The following LASP1 variants were observed in gnomAD, a reference collection of about 807,000 sequenced individuals.
The protein encoded by LASP1 is LIM and SH3 protein 1.
In LASP1, 10 loss-of-function variants were observed where a neutral mutation model predicts 38.6. The ratio of observed to expected loss-of-function variants is 0.26; its 90% CI spans 0.16 to 0.44. The LOEUF (loss-of-function observed/expected upper bound fraction) is 0.44. LASP1 is among the 20% of genes least tolerant of loss of function. The pLI is 1.00. For missense variants in LASP1, 243 were observed against 375.7 expected (o/e 0.65, Z 2.92); for synonymous variants, 132 against 140.8 (o/e 0.94, Z 0.44).
rs1221165092 is a variant in LASP1, at chr17:38,892,955, GTGTA to G, written c.249+2455_249+2458del. ...ACTGAGGGCCAGAGCGTGTCCGTGT[GTGTA>G]TGTGTGTGTGTGTGCGTGTGCACGC... On this transcript the variant is annotated intron_variant, in intron 3 of 6. Coordinates refer to ENST00000318008, the MANE Select transcript of LASP1 (RefSeq NM_006148.4). Among the ~76,000 whole-genome samples the G allele has an allele frequency of 3.3e-5, 5 of 152,184 alleles. No homozygotes were observed. In the East Asian group the frequency reaches 9.7e-4, roughly 29 times the overall value.
At chr17:38,900,359 A>G (rs1466762565) in intron 4 of LASP1, among the ~76,000 whole-genome samples, 2 of 145,162 alleles carry the variant, frequency 1.4e-5, no homozygotes, top group Non-Finnish European at 3.0e-5. Context: ...CAGCCTGGGA[A>G]ACCGAGTGAG....
rs531186597 is a variant in LASP1, at chr17:38,894,626, A to G, written c.250-3786A>G. ...TCTCCCGGAAAGGAGAGGAAATGGA[A>G]CTTGGACATGAAGAAGCTGGGAAAT... On this transcript the variant is annotated intron_variant, in intron 3 of 6. Transcript: ENST00000318008. Among the ~76,000 whole-genome samples, 5 of 152,292 alleles carry G rather than the reference A, an allele frequency of 3.3e-5. No individual in the cohort carries two copies. The South Asian group carries it at 1.0e-3, about 32-fold the overall frequency.
intron 1 of LASP1, among the ~76,000 whole-genome samples, chr17:38,873,062 T>C (rs1913656463): frequency 1.3e-5 from 2 of 152,158 alleles, no homozygotes; most frequent in Admixed American, 1.3e-4. Flanking sequence ...GTGCACCTGC[T>C]TTGTATCTAG....
chr17:38,899,475 G>A (rs1391638137), intron 4 of LASP1, among the ~76,000 whole-genome samples: 1 of 152,102 alleles, frequency 6.6e-6, no homozygotes, highest in Non-Finnish European at 1.5e-5. Flanking sequence ...CCTCCACCTG[G>A]CCACCTCAGC....
chr17:38,907,793 C>T (rs1224564925), intron 4 of LASP1, among the ~76,000 whole-genome samples: 1 of 152,196 alleles, frequency 6.6e-6, no homozygotes, highest in Non-Finnish European at 1.5e-5. Flanking sequence ...TCAGTTTCCC[C>T]AGCCCTTTAT....
intron 3 of LASP1, among the ~76,000 whole-genome samples, chr17:38,898,105 A>G (rs972917798): frequency 6.6e-6 from 1 of 152,138 alleles, no homozygotes; most frequent in Non-Finnish European, 1.5e-5. Context: ...CCGTTTCCTG[A>G]TCCGTAAATT....
At chr17:38,912,500 G>A (rs1031568251) in intron 4 of LASP1, among the ~76,000 whole-genome samples, 2 of 152,146 alleles carry the variant, frequency 1.3e-5, no homozygotes, top group Non-Finnish European at 2.9e-5. Context: ...TTGCCACAGG[G>A]TCAGGGTGCC....
chr17:38,886,359 G>GC, intron 2 of LASP1, among the ~76,000 whole-genome samples: 1 of 152,224 alleles, frequency 6.6e-6, no homozygotes, highest in East Asian at 1.9e-4. Flanking sequence ...TATAGCCCAA[G>GC]CTGTCTGCCT....
chr17:38,914,374 G>A lies in LASP1; in HGVS notation c.407G>A (p.Gly136Asp), dbSNP rs1915044924. ...FEKSRMGPSG[G>D]EGMEPERRDS... is the part of the protein sequence containing the mutation. ...AAGAGCCGCATGGGCCCTAGCGGGG[G>A]CGAGGGCATGGAGCCAGAGCGTCGG... is the stretch of plus-strand genomic sequence containing the variant. The change falls in exon 5 of 7, where the codon GGC becomes GAC. Residue 136 changes from glycine to aspartate, a missense_variant. Physicochemically the swap from Gly to Asp is moderately conservative, Grantham distance 94. Around this residue, in one of 4 missense-constraint regions of LASP1, gnomAD observed 165 missense variants for 210.3 expected, o/e 0.78. Transcript: ENST00000318008. The A allele has an allele frequency of 1.2e-6, 2 of 1,612,112 alleles. No individual in the cohort carries two copies. The highest frequency in any genetic ancestry group is 1.7e-6 in the Non-Finnish European group (2 of 1,179,946).
At chr17:38,870,280 G>A in intron 1 of LASP1, 22 bp downstream of exon 1, 3 of 1,612,570 alleles carry the variant, frequency 1.9e-6, no homozygotes, top group Non-Finnish European at 2.5e-6. Context: ...ACCGGGAGAC[G>A]CGTCTTTGCA....
rs532607531 is a variant in LASP1 at position 38,898,398 on chromosome 17, C to G, written c.250-14C>G. 4.5e-5 allele frequency: 69 copies of G among 1,537,570 alleles called. No homozygotes were observed. Among genetic ancestry groups the G allele is most frequent in the Non-Finnish European group, 6.0e-5 (68 of 1,136,270 alleles). On this transcript the variant is annotated splice_polypyrimidine_tract_variant and intron_variant, in intron 3 of 6. Transcript: ENST00000318008. ...CCTGGCCTGACTCCAATCCCTCTTC[C>G]TCCCCTCCTGCAGGTGCGCTACAAG...
intron 4 of LASP1, among the ~76,000 whole-genome samples, chr17:38,899,992 A>G (rs1914595136): frequency 6.6e-6 from 1 of 151,808 alleles, no homozygotes; most frequent in African/African-American, 2.4e-5. Context: ...GGCCTCCCAA[A>G]GTGCTAAGAT....
At chr17:38,898,945 C>A in intron 4 of LASP1, 1 of 360,088 alleles carries the variant, frequency 2.8e-6, no homozygotes, top group Non-Finnish European at 5.5e-6. Context: ...TTGGCCTCCT[C>A]CCCCACATCA....
chr17:38,881,621 T>G (rs1913954473), intron 2 of LASP1, among the ~76,000 whole-genome samples: 1 of 152,232 alleles, frequency 6.6e-6, no homozygotes, highest in Non-Finnish European at 1.5e-5. Context: ...CTGGTCTTGC[T>G]TTGTGGACCA....
chr17:38,891,687 A>T (rs1403025005), intron 3 of LASP1, among the ~76,000 whole-genome samples: 1 of 152,216 alleles, frequency 6.6e-6, no homozygotes, highest in Non-Finnish European at 1.5e-5. Context: ...AGAAGAGGAA[A>T]TAGACACTGG....
chr17:38,918,600 C>T lies in LASP1; in HGVS notation c.613-5C>T. On this transcript the variant is annotated splice_region_variant and splice_polypyrimidine_tract_variant and intron_variant, in intron 6 of 6. Transcript: ENST00000318008. This position sits in a 1 kb window ranked among gnomAD's most constrained non-coding sequence, Gnocchi z 4.4. ...GGCCCTAGGCTGACCACACTTCCCC[C>T]ACAGAAGCGGTACCGCGCGGTGTAT... 7.0e-6 allele frequency: 11 copies of T among 1,580,116 alleles called. No individual in the cohort carries two copies. Among genetic ancestry groups the T allele is most frequent in the Non-Finnish European group, 9.5e-6 (11 of 1,156,858 alleles).
At chr17:38,916,957 T>G (rs1915148703) in intron 6 of LASP1, 1 of 152,032 alleles carries the variant, frequency 6.6e-6, no homozygotes, top group Admixed American at 6.5e-5. Flanking sequence ...GTGCAAAGGC[T>G]CTGAGGCAGG....
rs959527983 is a variant in LASP1, at chr17:38,919,432, G to A, written c.*654G>A. On this transcript the variant is annotated 3_prime_UTR_variant, in exon 7 of 7. Coordinates refer to ENST00000318008, the MANE Select transcript of LASP1 (RefSeq NM_006148.4). Reference sequence around the variant, plus strand: ...ACTGTGATTTTGCCCTCCTGCCCACGCAGACCTGCAGCGGGCAAAGAGCTC... The same window carrying A: ...ACTGTGATTTTGCCCTCCTGCCCACACAGACCTGCAGCGGGCAAAGAGCTC... 2.9e-5 allele frequency: 7 copies of A among 240,410 alleles called. No individual in the cohort carries two copies. Among genetic ancestry groups the A allele is most frequent in the African/African-American group, 6.6e-5 (3 of 45,424 alleles). 14.9% of individuals were successfully genotyped at this position (240,410 alleles called of 1,614,324 possible).
At chr17:38,873,067 A>G (rs1913656547) in intron 1 of LASP1, among the ~76,000 whole-genome samples, 1 of 152,142 alleles carries the variant, frequency 6.6e-6, no homozygotes, top group Non-Finnish European at 1.5e-5. Context: ...CCTGCTTTGT[A>G]TCTAGGGAGC....
Sources: allele counts gnomAD v4.1 joint callset (sites outside exome capture counted in the v4.1 genomes callset), GRCh38; gene constraint gnomAD v4.1.1; regional missense constraint gnomAD v4.1.1; non-coding constraint Gnocchi (gnomAD v3.1); transcripts MANE v1.5; gene names NCBI Gene and HGNC (gene_info 2026-07-23, HGNC 2026-07-21).